Variants in SHANK2 observed in about 807,000 individuals in gnomAD.
SHANK2 encodes SH3 and multiple ankyrin repeat domains 2.
A neutral mutation model predicts 133.7 loss-of-function variants in SHANK2; 43 were observed. The observed-to-expected ratio is 0.32, with a 90% confidence interval of 0.25 to 0.41. The LOEUF (loss-of-function observed/expected upper bound fraction) is 0.41. SHANK2 is among the 10% of genes least tolerant of loss of function. The pLI is 1.00. For synonymous variants in SHANK2, 1,017 were observed against 952.8 expected, an observed-to-expected ratio of 1.07 and a Z score of -1.24; for missense variants, 1,994 against 2,235.8, an observed-to-expected ratio of 0.89 and a Z score of 2.18.
At chr11:70,637,106 T>C (rs782684206) in intron 17 of SHANK2, among the ~76,000 whole-genome samples, 3 of 151,548 alleles carry the variant, frequency 2.0e-5, no homozygotes, top group Admixed American at 1.3e-4. Context: ...GGTACCTGTG[T>C]GTATGTGCAC....
At chr11:70,505,904 G>A (rs868981544) in intron 17 of SHANK2, among the ~76,000 whole-genome samples, 3 of 152,164 alleles carry the variant, frequency 2.0e-5, no homozygotes, top group Admixed American at 6.5e-5. Context: ...AGAATCTCCC[G>A]TGGTTCATTT....
rs76014490 is a variant in SHANK2 at position 71,118,904 on chromosome 11, G to A, written c.336C>T (p.Asp112=). Residue 112 remains aspartate (D), a synonymous_variant, in exon 4 of 26, where the codon GAC becomes GAT. Coordinates refer to ENST00000601538, the MANE Select transcript of SHANK2 (RefSeq NM_012309.5). ...GCCGCTCCTCATCCAGGAACTTGCC[G>A]TCACGCCCATTGCTGGCCGGCTGGA... ...GLFQPASNGR[D]GKFLDEERLL... is the part of the protein sequence containing the mutation. The A allele has an allele frequency of 6.2e-3, 9,648 of 1,551,716 alleles. 382 individuals are homozygous for A. The African/African-American group carries it at 0.099, about 16-fold the overall frequency.
chr11:70,541,914 A>G (rs763967733), intron 17 of SHANK2, among the ~76,000 whole-genome samples: 7 of 152,218 alleles, frequency 4.6e-5, no homozygotes, highest in Non-Finnish European at 8.8e-5. Context: ...GGCAGCTGGC[A>G]CAGAGCAGGA....
intron 17 of SHANK2, among the ~76,000 whole-genome samples, chr11:70,514,614 G>T (rs997988912): frequency 6.6e-6 from 1 of 152,210 alleles, no homozygotes; most frequent in Admixed American, 6.5e-5. Flanking sequence ...CTATATGGTT[G>T]CTGGGTTTTT....
intron 14 of SHANK2, among the ~76,000 whole-genome samples, chr11:70,758,256 G>C (rs1457890187): frequency 6.6e-6 from 1 of 152,198 alleles, no homozygotes; most frequent in African/African-American, 2.4e-5. Context: ...TTGTATGGGA[G>C]CTCTGTTTTC....
chr11:70,704,946 TGGCTGGA>T (rs1304267588), intron 14 of SHANK2, among the ~76,000 whole-genome samples: 1 of 152,222 alleles, frequency 6.6e-6, no homozygotes, highest in Non-Finnish European at 1.5e-5. Flanking sequence ...TGTTATTTCC[TGGCTGGA>T]GGTTTTAATT....
At chr11:70,918,847 C>T (rs1555080300) in intron 10 of SHANK2, among the ~76,000 whole-genome samples, 1 of 152,148 alleles carries the variant, frequency 6.6e-6, no homozygotes, top group Non-Finnish European at 1.5e-5. Context: ...ATAGTATACA[C>T]TGATGGTGTA....
rs1226149625 is a variant in SHANK2 at position 70,548,020 on chromosome 11, T to TCCTGG, written c.2062-45094_2062-45090dup. Among the ~76,000 whole-genome samples the TCCTGG allele has an allele frequency of 2.0e-5, 3 of 152,200 alleles. No homozygotes were observed. The East Asian group carries it at 5.8e-4, about 29-fold the overall frequency. ...GCTGTGGGTGTGGCTGGCATCAGCA[T>TCCTGG]CCTGGCCTGGCCTGGTGCAGCCTTC... On this transcript the variant is annotated intron_variant, in intron 17 of 25. Transcript: ENST00000601538.
At chr11:71,157,109 G>C (rs1230731021) in intron 2 of SHANK2, among the ~76,000 whole-genome samples, 1 of 152,004 alleles carries the variant, frequency 6.6e-6, no homozygotes, top group East Asian at 1.9e-4. Flanking sequence ...AGAACTTAAA[G>C]TATAATAAAT....
intron 15 of SHANK2, among the ~76,000 whole-genome samples, chr11:70,696,678 G>T (rs1331418851): frequency 2.6e-5 from 4 of 152,164 alleles, no homozygotes; most frequent in African/African-American, 9.7e-5. Context: ...AGGGGTCTTG[G>T]CTCCTCTCCT....
At chr11:70,560,119 G>A (rs2059888160) in intron 17 of SHANK2, among the ~76,000 whole-genome samples, 1 of 152,028 alleles carries the variant, frequency 6.6e-6, no homozygotes, top group Admixed American at 6.6e-5. Context: ...TGACCTGCCC[G>A]CCTCAGACTC....
chr11:70,546,050 C>T (rs1406373470), intron 17 of SHANK2, among the ~76,000 whole-genome samples: 1 of 151,726 alleles, frequency 6.6e-6, no homozygotes, highest in East Asian at 1.9e-4. Flanking sequence ...GTACCACCAG[C>T]TTGGAACCTC....
intron 21 of SHANK2, among the ~76,000 whole-genome samples, chr11:70,498,924 G>A (rs2059010824): frequency 6.6e-6 from 1 of 152,190 alleles, no homozygotes; most frequent in African/African-American, 2.4e-5. Context: ...ATCTTGATTA[G>A]ATCTACAAGG....
At chr11:70,503,107 A>C (rs1591512690) in intron 17 of SHANK2, among the ~76,000 whole-genome samples, 176 bp from the exon 18 acceptor site, 1 of 152,256 alleles carries the variant, frequency 6.6e-6, no homozygotes, top group Non-Finnish European at 1.5e-5. Flanking sequence ...ACCAGAATGA[A>C]TGCTGCTGTG....
rs548789640 is a variant in SHANK2 at position 70,895,195 on chromosome 11, C to T, written c.1174+1306G>A. Among the ~76,000 whole-genome samples, 24 of 152,326 alleles carry T rather than the reference C, an allele frequency of 1.6e-4. 1 individual carries two copies. Among genetic ancestry groups the T allele is most frequent in the African/African-American group, 5.8e-4 (24 of 41,576 alleles). On this transcript the variant is annotated intron_variant, in intron 11 of 25. Transcript: ENST00000601538. ...GCAAGCCATGCATCTGGCTCTGCAT[C>T]CTCGTGCGGTTCTCCAAGGCGGGGT... is the stretch of plus-strand genomic sequence containing the variant.
intron 17 of SHANK2, among the ~76,000 whole-genome samples, chr11:70,509,138 G>A (rs2059168534): frequency 6.6e-6 from 1 of 152,324 alleles, no homozygotes; most frequent in Non-Finnish European, 1.5e-5. Flanking sequence ...CTGCCCACCT[G>A]CAGTGCTTGG....
At chr11:70,878,460 G>A (rs920965885) in intron 11 of SHANK2, among the ~76,000 whole-genome samples, 5 of 152,280 alleles carry the variant, frequency 3.3e-5, no homozygotes, top group Admixed American at 3.3e-4. Context: ...CATATTAATT[G>A]GCTGTGGCTG....
intron 14 of SHANK2, among the ~76,000 whole-genome samples, chr11:70,733,304 T>C (rs982887232): frequency 1.3e-5 from 2 of 152,204 alleles, no homozygotes; most frequent in Admixed American, 6.5e-5. Context: ...AAGTTTAGTA[T>C]GTTTACACAG....
chr11:70,836,440 AC>A (rs1433748341), intron 11 of SHANK2, among the ~76,000 whole-genome samples: 2 of 152,222 alleles, frequency 1.3e-5, no homozygotes, highest in African/African-American at 4.8e-5. Context: ...GTGCAAGTCA[AC>A]GTTTACAAAG....
Sources: gnomAD v4.1 joint callset for allele counts (sites outside exome capture counted in the v4.1 genomes callset) on GRCh38, gnomAD v4.1.1 for gene constraint, MANE v1.5 for transcripts, NCBI Gene and HGNC (gene_info 2026-07-23, HGNC 2026-07-21) for gene names.